Variants in FOXO3B observed in about 807,000 individuals in gnomAD.
The protein encoded by FOXO3B is forkhead box protein O3B.
A neutral mutation model predicts 21.9 loss-of-function variants in FOXO3B; 15 were observed. The observed-to-expected ratio is 0.68, with a 90% confidence interval of 0.46 to 1.05. The LOEUF is 1.05. Ranked by LOEUF, FOXO3B falls within the 50% of genes least tolerant of loss-of-function variation. FOXO3B has a pLI of 0.00. For missense variants in FOXO3B, 293 were observed against 435.5 expected (o/e 0.67, Z 2.91); for synonymous variants, 135 against 213.6 (o/e 0.63, Z 3.21).
intron 3 of FOXO3B, among the ~76,000 whole-genome samples, chr17:18,676,776 C>G (rs1315935722): frequency 6.6e-6 from 1 of 151,804 alleles, no homozygotes; most frequent in Admixed American, 6.6e-5. Context: ...TCTCGGCTCA[C>G]TGCAACCTCT....
chr17:18,682,146 C>T (rs1266547967), intron 1 of FOXO3B, 58 bp downstream of exon 1: 3 of 667,362 alleles, frequency 4.5e-6, no homozygotes, highest in Non-Finnish European at 8.2e-6. Context: ...ACAGAACGAC[C>T]CGGGGAACTA....
rs2032381623 is a variant in FOXO3B at position 18,672,193 on chromosome 17, T to C, written c.*116A>G. On this transcript the variant is annotated 3_prime_UTR_variant, in exon 4 of 4. Transcript: ENST00000395675. The surrounding 1 kb of genome is among the most constrained non-coding windows in gnomAD (Gnocchi z 4.2). ...GGAGACAGCCCGCCGCCGGGGGGCT[T>C]TTCCGCTCTTCCCCCCATCAGGGTT... 6.2e-7 allele frequency: 1 copy of C among 1,613,008 alleles called. No homozygotes were observed. The highest frequency in any genetic ancestry group is 2.2e-5 in the East Asian group (1 of 44,828).
chr17:18,672,487 G>A lies in FOXO3B; in HGVS notation c.695C>T (p.Pro232Leu), dbSNP rs888457711. The A allele has an allele frequency of 1.4e-5, 21 of 1,551,248 alleles. No individual in the cohort carries two copies. Among genetic ancestry groups the A allele is most frequent in the Middle Eastern group, 1.9e-4 (1 of 5,198 alleles). The change falls in exon 4 of 4, where the codon CCG becomes CTG. Residue 232 changes from proline (P) to leucine (L), a missense_variant. By Grantham distance (98) the Pro-to-Leu change is moderately conservative. Coordinates refer to ENST00000395675, the MANE Select transcript of FOXO3B (RefSeq NM_001368135.1). This position sits in a 1 kb window ranked among gnomAD's most constrained non-coding sequence, Gnocchi z 4.2. ...GTTCCGCCGCGACGAACATTTCCTC[G>A]GCTGCCCGGAGCCCCCAGCCGCCCC... ...QPGAAGGSGQ[P>L]RKCSSRRNAW...
At chr17:18,676,023 T>C (rs890796717) in intron 3 of FOXO3B, among the ~76,000 whole-genome samples, 4 of 152,186 alleles carry the variant, frequency 2.6e-5, no homozygotes, top group Non-Finnish European at 5.9e-5. Flanking sequence ...ATGCTACTTC[T>C]GTCATAGATT....
At chr17:18,677,385 C>T in intron 3 of FOXO3B, 1 of 1,614,024 alleles carries the variant, frequency 6.2e-7, no homozygotes. Flanking sequence ...CGTCAACGTG[C>T]TCAAGAGGGA....
At position 18,668,286 on chromosome 17, in the gene FOXO3B, GA is replaced by G; in HGVS notation, c.*4022del. 1 of 152,330 alleles carries G rather than the reference GA, an allele frequency of 6.6e-6. No homozygotes were observed. The highest frequency in any genetic ancestry group is 1.5e-5 in the Non-Finnish European group (1 of 68,090). 9.4% of individuals were successfully genotyped at this position (152,330 alleles called of 1,614,324 possible). A position where few individuals can be genotyped will look rare whatever the true frequency, so the allele number is the denominator to read the frequency against. On this transcript the variant is annotated 3_prime_UTR_variant, in exon 4 of 4. Coordinates refer to ENST00000395675, the MANE Select transcript of FOXO3B (RefSeq NM_001368135.1). ...CATGTAGATGCTGTTTTAGTTACTT[GA>G]AAAAGAAAAAACAAAACAGAACAAA... is the stretch of plus-strand genomic sequence containing the variant.
chr17:18,679,571 C>T (rs1404438871), intron 3 of FOXO3B, among the ~76,000 whole-genome samples: 2 of 151,880 alleles, frequency 1.3e-5, no homozygotes, highest in Admixed American at 6.6e-5. Context: ...CCTCAGTCTA[C>T]GGAGTGGCTG....
chr17:18,674,639 A>AAAGGGGGGGG (rs61684359), intron 3 of FOXO3B, among the ~76,000 whole-genome samples: 1 of 121,406 alleles, frequency 8.2e-6, no homozygotes, highest in African/African-American at 3.5e-5. Flanking sequence ...AAAAAAAAAA[A>AAAGGGGGGGG]GGGGGGGGGG....
rs544075949 is a variant in FOXO3B at position 18,671,730 on chromosome 17, G to A, written c.*579C>T. 4 of 1,613,826 alleles carry A rather than the reference G, an allele frequency of 2.5e-6. No homozygotes were observed. In the South Asian group the frequency reaches 3.3e-5, roughly 13 times the overall value. On this transcript the variant is annotated 3_prime_UTR_variant, in exon 4 of 4. Coordinates refer to ENST00000395675, the MANE Select transcript of FOXO3B (RefSeq NM_001368135.1). ...GAGTCCCCCAGTGGGCGATGGCTGG[G>A]ATGGCGGGAGCGTGATGTTATCCAG...
chr17:18,677,612 C>T, intron 3 of FOXO3B: 1 of 1,607,172 alleles, frequency 6.2e-7, no homozygotes, highest in Admixed American at 1.7e-5. Context: ...TGGCCAGTGG[C>T]ACTGCAGCTT....
rs535524217 is a variant in FOXO3B at position 18,672,110 on chromosome 17, C to T, written c.*199G>A. On this transcript the variant is annotated 3_prime_UTR_variant, in exon 4 of 4. Coordinates refer to ENST00000395675, the MANE Select transcript of FOXO3B (RefSeq NM_001368135.1). This position sits in a 1 kb window ranked among gnomAD's most constrained non-coding sequence, Gnocchi z 4.2. The stretch of plus-strand genomic sequence containing the variant: ...GCTGATTCGGGGGCTGTCTGCAGGG[C>T]TGCCTTCTTCTTGGCTGTGCGGCCA... 6 of 1,611,176 alleles carry T rather than the reference C, an allele frequency of 3.7e-6. No individual in the cohort carries two copies. In the Admixed American group the frequency reaches 8.4e-5, roughly 23 times the overall value.
In FOXO3B at chr17:18,672,943, G is replaced by GC. The variant is rs1567890192; in HGVS notation, c.238dup (p.Ala80GlyfsTer70). ...CTCTGCCATCTTCGCCGCCCGCCCGGCCGCGGCTGGGGTTCTCGCGCTCTC... is the reference window on the plus strand; with the variant it reads ...CTCTGCCATCTTCGCCGCCCGCCCGGCCCGCGGCTGGGGTTCTCGCGCTCTC... On this transcript the variant is annotated frameshift_variant, in exon 4 of 4. Coordinates refer to ENST00000395675, the MANE Select transcript of FOXO3B (RefSeq NM_001368135.1). LOFTEE classifies it high-confidence loss of function. This position sits in a 1 kb window ranked among gnomAD's most constrained non-coding sequence, Gnocchi z 4.2. The GC allele has an allele frequency of 2.6e-5, 39 of 1,524,430 alleles. No homozygotes were observed. The highest frequency in any genetic ancestry group is 5.0e-5 in the East Asian group (2 of 39,922). 94.4% of individuals were successfully genotyped at this position (1,524,430 alleles called of 1,614,324 possible).
At position 18,670,916 on chromosome 17, in the gene FOXO3B, C is replaced by T. The variant is rs1225764671; in HGVS notation, c.*1393G>A. 1 of 1,541,734 alleles carries T rather than the reference C, an allele frequency of 6.5e-7. No homozygotes were observed. The highest frequency in any genetic ancestry group is 1.4e-5 in the African/African-American group (1 of 72,340). On this transcript the variant is annotated 3_prime_UTR_variant, in exon 4 of 4. Coordinates refer to ENST00000395675, the MANE Select transcript of FOXO3B (RefSeq NM_001368135.1). Reference sequence around the variant, plus strand: ...CCTCAGTGATCCTTCAGCCTGGCACCCAGCTCTGAGATGAGGCCTGCTTAG... The same window carrying T: ...CCTCAGTGATCCTTCAGCCTGGCACTCAGCTCTGAGATGAGGCCTGCTTAG...
chr17:18,671,703 A>G lies in FOXO3B; in HGVS notation c.*606T>C, dbSNP rs1423458582. 12 of 1,613,546 alleles carry G rather than the reference A, an allele frequency of 7.4e-6. No individual in the cohort carries two copies. Among genetic ancestry groups the G allele is most frequent in the African/African-American group, 1.3e-5 (1 of 74,628 alleles). Reference sequence around the variant, plus strand: ...ATACGGGAAGCTAGAACTCCGCTGCATGAGTCCCCCAGTGGGCGATGGCTG... The same window carrying G: ...ATACGGGAAGCTAGAACTCCGCTGCGTGAGTCCCCCAGTGGGCGATGGCTG... On this transcript the variant is annotated 3_prime_UTR_variant, in exon 4 of 4. Transcript: ENST00000395675.
In FOXO3B at chr17:18,680,772, A is replaced by G; in HGVS notation, c.95T>C (p.Val32Ala). ...FQEKSTEEGE[V>A]AALRLTARSQ... ...TCTGGCCGTGAGGCGCAGAGCAGCC[A>G]CTTCTCCCTCTTCTGTGCTCTTCTC... Residue 32 changes from valine (V) to alanine (A), a missense_variant, in exon 3 of 4, where the codon GTG becomes GCG. Around this residue, in one of 2 missense-constraint regions of FOXO3B, gnomAD observed 251 missense variants for 404.0 expected, o/e 0.62. Coordinates refer to ENST00000395675, the MANE Select transcript of FOXO3B (RefSeq NM_001368135.1). The G allele has an allele frequency of 6.2e-7, 1 of 1,613,902 alleles. No homozygotes were observed. Among genetic ancestry groups the G allele is most frequent in the African/African-American group, 1.3e-5 (1 of 74,916 alleles).
intron 3 of FOXO3B, chr17:18,677,701 A>G (rs2032517544): frequency 3.1e-6 from 5 of 1,601,572 alleles, no homozygotes; most frequent in East Asian, 4.5e-5. Context: ...GGCGAGCGCG[A>G]TAAGAAGCTG....
At position 18,668,348 on chromosome 17, in the gene FOXO3B, T is replaced by C. The variant is rs2032305024; in HGVS notation, c.*3961A>G. ...ATTCCCTCTTCATTCTCCTGATCTG[T>C]TTTATGCTGCCTTGCCCTTGTACCT... is the stretch of plus-strand genomic sequence containing the variant. On this transcript the variant is annotated 3_prime_UTR_variant, in exon 4 of 4. Coordinates refer to ENST00000395675, the MANE Select transcript of FOXO3B (RefSeq NM_001368135.1). The C allele has an allele frequency of 1.3e-5, 2 of 152,588 alleles. No homozygotes were observed. The highest frequency in any genetic ancestry group is 2.9e-5 in the Non-Finnish European group (2 of 68,094). The allele number at this position is 152,588 out of a possible 1,614,324, so 9.5% of individuals were successfully genotyped here. A position where few individuals can be genotyped will look rare whatever the true frequency, so the allele number is the denominator to read the frequency against.
chr17:18,668,755 C>T lies in FOXO3B; in HGVS notation c.*3554G>A, dbSNP rs2032311982. 6.6e-6 allele frequency: 1 copy of T among 152,202 alleles called. No homozygotes were observed. The highest frequency in any genetic ancestry group is 6.5e-5 in the Admixed American group (1 of 15,274). The allele number at this position is 152,202 out of a possible 1,614,324, so 9.4% of individuals were successfully genotyped here. A position where few individuals can be genotyped will look rare whatever the true frequency, so the allele number is the denominator to read the frequency against. On this transcript the variant is annotated 3_prime_UTR_variant, in exon 4 of 4. Transcript: ENST00000395675. ...CTACTACTGCCTCTGCAATGCATCC[C>T]CACCCAGGGCAGCATCCCTTAGGAA...
Position 18,679,017 on chromosome 17 carries a change from G to GA in FOXO3B, c.126+1723_126+1724insT, listed in dbSNP as rs535984313. Among the ~76,000 whole-genome samples, 332 of 151,614 alleles carry GA rather than the reference G, an allele frequency of 2.2e-3. 3 individuals are homozygous for GA. The highest frequency in any genetic ancestry group is 4.1e-3 in the Non-Finnish European group (276 of 67,930). On this transcript the variant is annotated intron_variant, in intron 3 of 3. Transcript: ENST00000395675. ...TCTCTGGCCTTCAACACAGGAAGAT[G>GA]TAAGCCTAAACTCGTTAGAGGCCAA...
Sources: gnomAD v4.1 joint callset for allele counts (sites outside exome capture counted in the v4.1 genomes callset) on GRCh38, gnomAD v4.1.1 for gene constraint, gnomAD v4.1.1 regional missense constraint, Gnocchi (gnomAD v3.1) non-coding constraint, MANE v1.5 for transcripts, NCBI Gene and HGNC (gene_info 2026-07-23, HGNC 2026-07-21) for gene names.